Variants in AUTS2 observed in about 807,000 individuals in gnomAD.
AUTS2 encodes the protein activator of transcription and developmental regulator AUTS2.
A neutral mutation model predicts 112.4 loss-of-function variants in AUTS2; 17 were observed. The ratio of observed to expected loss-of-function variants is 0.15; its 90% CI spans 0.10 to 0.23. The LOEUF (loss-of-function observed/expected upper bound fraction) is 0.23. Ranked by LOEUF, AUTS2 falls within the 10% of genes least tolerant of loss-of-function variation. The pLI, the probability that AUTS2 is intolerant of heterozygous loss-of-function variation, is 1.00. For missense variants in AUTS2, 1,510 were observed against 1,701.6 expected (o/e 0.89, Z 1.98); for synonymous variants, 751 against 702.7 (o/e 1.07, Z -1.09).
chr7:70,684,366 G>T (rs900449644), intron 5 of AUTS2, among the ~76,000 whole-genome samples: 18 of 152,294 alleles, frequency 1.2e-4, no homozygotes, highest in African/African-American at 3.9e-4. Context: ...CCCAGGAATA[G>T]TCACGTGACT....
chr7:69,657,905 G>A (rs1795617839), intron 1 of AUTS2, among the ~76,000 whole-genome samples: 2 of 152,300 alleles, frequency 1.3e-5, no homozygotes, highest in Admixed American at 1.3e-4. Context: ...TCTTGATGTT[G>A]CTCAAATGCT....
chr7:70,258,105 C>T (rs781773643), intron 4 of AUTS2, among the ~76,000 whole-genome samples: 2 of 152,208 alleles, frequency 1.3e-5, no homozygotes, highest in East Asian at 1.9e-4. Flanking sequence ...TTTGCTTCAG[C>T]GAGACGATGA....
At chr7:70,360,276 C>T (rs1388334230) in intron 4 of AUTS2, among the ~76,000 whole-genome samples, 2 of 152,150 alleles carry the variant, frequency 1.3e-5, no homozygotes, top group East Asian at 3.9e-4. Flanking sequence ...TAGGTACATC[C>T]ACCATGCCCA....
rs144819234 is a variant in AUTS2, at chr7:69,724,540, A to C, written c.309+124578A>C. 5.0e-3 allele frequency among the ~76,000 whole-genome samples: 758 copies of C among 152,292 alleles called. 11 individuals are homozygous for C. The highest frequency in any genetic ancestry group is 0.017 in the African/African-American group (703 of 41,556). On this transcript the variant is annotated intron_variant, in intron 1 of 18. Transcript: ENST00000342771. The stretch of plus-strand genomic sequence containing the variant: ...TTTTCCAGAGAAATGAAAACACTGC[A>C]CTTTTAACGGCACAGAAAGCAAAAT...
At chr7:70,482,823 A>G (rs1447971684) in intron 5 of AUTS2, among the ~76,000 whole-genome samples, 2 of 152,166 alleles carry the variant, frequency 1.3e-5, no homozygotes, top group Non-Finnish European at 2.9e-5. Flanking sequence ...TGAAATGGCA[A>G]GAAGGAGGTA....
rs185333772 is a variant in AUTS2 at position 70,196,590 on chromosome 7, G to C, written c.660+62019G>C. ...AACTGAATAAAAATAACTCAGATTT[G>C]ATCAGTAATGGCAGCATCTATAGGG... On this transcript the variant is annotated intron_variant, in intron 4 of 18. Coordinates refer to ENST00000342771, the MANE Select transcript of AUTS2 (RefSeq NM_015570.4). Among the ~76,000 whole-genome samples, 4 of 152,280 alleles carry C rather than the reference G, an allele frequency of 2.6e-5. No individual in the cohort carries two copies. The East Asian group carries it at 7.7e-4, about 29-fold the overall frequency.
At chr7:69,647,709 A>G (rs910728435) in intron 1 of AUTS2, among the ~76,000 whole-genome samples, 1 of 152,174 alleles carries the variant, frequency 6.6e-6, no homozygotes, top group African/African-American at 2.4e-5. Context: ...GGCTGCCATA[A>G]CAAAGTATCA....
chr7:69,943,650 C>T (rs1404426783), intron 2 of AUTS2, among the ~76,000 whole-genome samples: 2 of 152,130 alleles, frequency 1.3e-5, no homozygotes, highest in Non-Finnish European at 2.9e-5. Context: ...AAACTAACTT[C>T]ACTGAAAACA....
chr7:70,363,871 A>G (rs1301069632), intron 4 of AUTS2, among the ~76,000 whole-genome samples: 2 of 151,992 alleles, frequency 1.3e-5, no homozygotes, highest in Non-Finnish European at 2.9e-5. Flanking sequence ...CCTCTAGCCT[A>G]TTTATCTCAT....
intron 2 of AUTS2, among the ~76,000 whole-genome samples, chr7:69,940,279 T>C (rs1460175408): frequency 6.6e-6 from 1 of 152,174 alleles, no homozygotes; most frequent in Non-Finnish European, 1.5e-5. Context: ...TGGTGAGTTC[T>C]GTAGGAGTCT....
At chr7:69,783,088 CTTTTTTTTT>C (rs398047755) in intron 1 of AUTS2, among the ~76,000 whole-genome samples, 21 of 85,122 alleles carry the variant, frequency 2.5e-4, no homozygotes, top group Admixed American at 4.0e-4. Flanking sequence ...TGCTGCTCAT[CTTTTTTTTT>C]TTTTTTTTTT....
intron 10 of AUTS2, 91 bp from the exon 11 acceptor site, chr7:70,771,458 C>T: frequency 9.3e-7 from 1 of 1,071,412 alleles, no homozygotes; most frequent in Non-Finnish European, 1.4e-6. Context: ...GTGGCTTGCT[C>T]ATGTCGATGT....
intron 6 of AUTS2, among the ~76,000 whole-genome samples, chr7:70,734,809 T>A (rs1563160869): frequency 6.6e-6 from 1 of 152,122 alleles, no homozygotes; most frequent in African/African-American, 2.4e-5. Context: ...CTGCCTTTTT[T>A]AAAAATGGAA....
chr7:69,689,643 TA>T (rs1278053589), intron 1 of AUTS2, among the ~76,000 whole-genome samples: 6 of 1,532 alleles, frequency 3.9e-3, no homozygotes, highest in Non-Finnish European at 5.3e-3. Flanking sequence ...CCCGGCCTTT[TA>T]TTTATTTATT....
intron 5 of AUTS2, among the ~76,000 whole-genome samples, chr7:70,494,928 A>G (rs1798391186): frequency 6.6e-6 from 1 of 152,058 alleles, no homozygotes; most frequent in African/African-American, 2.4e-5. Context: ...AGGTGTGGAG[A>G]GATTATGTTG....
intron 1 of AUTS2, among the ~76,000 whole-genome samples, chr7:69,846,480 A>G (rs150714883): frequency 3.1e-4 from 47 of 152,346 alleles, no homozygotes; most frequent in African/African-American, 1.0e-3. Context: ...TACGATATTC[A>G]TAATAAATAC....
chr7:70,376,871 G>GT (rs1274591474), intron 4 of AUTS2, among the ~76,000 whole-genome samples: 1 of 151,346 alleles, frequency 6.6e-6, no homozygotes, highest in Non-Finnish European at 1.5e-5. Context: ...GAGCCTCTTG[G>GT]TTTTTTGCAT....
intron 2 of AUTS2, among the ~76,000 whole-genome samples, chr7:69,964,156 C>G (rs1456813678): frequency 6.6e-6 from 1 of 152,156 alleles, no homozygotes; most frequent in African/African-American, 2.4e-5. Flanking sequence ...AATACAGTTA[C>G]AGTCTTCTCA....
chr7:70,531,385 A>G (rs2007481), intron 5 of AUTS2, among the ~76,000 whole-genome samples: 61,714 of 151,964 alleles, frequency 0.41, 13,888 homozygotes, highest in African/African-American at 0.61. Context: ...AGTCCATTTT[A>G]TGTTGCTCTA....
Sources: allele counts gnomAD v4.1 joint callset (sites outside exome capture counted in the v4.1 genomes callset), GRCh38; gene constraint gnomAD v4.1.1; transcripts MANE v1.5; gene names NCBI Gene and HGNC (gene_info 2026-07-23, HGNC 2026-07-21).